Variants in GRM8 observed in about 807,000 individuals in gnomAD.
GRM8 encodes metabotropic glutamate receptor 8.
In GRM8, 47 loss-of-function variants were observed where a neutral mutation model predicts 87.2. The observed-to-expected ratio is 0.54, with a 90% CI of 0.43 to 0.69. GRM8 has a LOEUF of 0.69. GRM8 is among the 30% of genes least tolerant of loss of function. GRM8 has a pLI of 0.00. For synonymous variants in GRM8, 396 were observed against 404.5 expected (o/e 0.98, Z 0.25); for missense variants, 1,019 against 1,139.2 (o/e 0.89, Z 1.52).
intron 2 of GRM8, among the ~76,000 whole-genome samples, chr7:127,223,476 CACACACACACAA>C (rs1797095745): frequency 8.4e-6 from 1 of 118,744 alleles, no homozygotes; most frequent in Non-Finnish European, 1.8e-5. Context: ...CACACACACA[CACACACACACAA>C]AACTGTGGAC....
intron 3 of GRM8, among the ~76,000 whole-genome samples, chr7:126,913,930 A>G (rs756555741): frequency 2.0e-5 from 3 of 152,230 alleles, no homozygotes; most frequent in Non-Finnish European, 4.4e-5. Context: ...GCAAAACTGC[A>G]CTTATATTTA....
intron 7 of GRM8, among the ~76,000 whole-genome samples, chr7:126,622,443 G>T (rs1400677763): frequency 2.0e-5 from 3 of 151,790 alleles, no homozygotes; most frequent in Admixed American, 1.3e-4. Context: ...TGCTTCATAC[G>T]TTTCCACTGA....
intron 7 of GRM8, among the ~76,000 whole-genome samples, chr7:126,696,405 C>A (rs1809378541): frequency 6.6e-6 from 1 of 152,004 alleles, no homozygotes. Flanking sequence ...CTGACAGGCC[C>A]CAGTGTGTGT....
chr7:126,841,034 C>T (rs1796224064), intron 6 of GRM8, among the ~76,000 whole-genome samples: 1 of 152,190 alleles, frequency 6.6e-6, no homozygotes, highest in African/African-American at 2.4e-5. Context: ...TGGCAGTATG[C>T]CAGCTTTAAA....
chr7:126,581,200 A>C (rs1437100807), intron 8 of GRM8, among the ~76,000 whole-genome samples: 1 of 152,160 alleles, frequency 6.6e-6, no homozygotes, highest in Non-Finnish European at 1.5e-5. Flanking sequence ...GAAAGAGACC[A>C]TCTCCTAATG....
At chr7:126,898,024 A>G (rs961634436) in intron 6 of GRM8, among the ~76,000 whole-genome samples, 7 of 152,092 alleles carry the variant, frequency 4.6e-5, no homozygotes, top group African/African-American at 9.7e-5. Context: ...TTTGCCCCCA[A>G]TGGAAGCAAA....
Position 126,538,933 on chromosome 7 carries a change from C to CTA in GRM8, c.1495-5048_1495-5047dup, listed in dbSNP as rs559514371. Among the ~76,000 whole-genome samples the CTA allele has an allele frequency of 2.4e-4, 37 of 151,982 alleles. No homozygotes were observed. In the South Asian group the frequency reaches 3.5e-3, roughly 14 times the overall value. On this transcript the variant is annotated intron_variant, in intron 8 of 10. Coordinates refer to ENST00000339582, the MANE Select transcript of GRM8 (RefSeq NM_000845.3). The stretch of plus-strand genomic sequence containing the variant: ...AATTATATGCATTATATGTGTCTCT[C>CTA]TATATATATATTTCTTAATATTCTG...
chr7:127,174,541 CG>C (rs1793987245), intron 2 of GRM8, among the ~76,000 whole-genome samples: 1 of 152,134 alleles, frequency 6.6e-6, no homozygotes, highest in Non-Finnish European at 1.5e-5. Context: ...TCTACCTATG[CG>C]TTTTTTCAAT....
At chr7:126,652,048 C>T (rs563100092) in intron 7 of GRM8, among the ~76,000 whole-genome samples, 52 of 152,298 alleles carry the variant, frequency 3.4e-4, no homozygotes, top group African/African-American at 9.4e-4. Flanking sequence ...GTTGCAGAAA[C>T]GAGGACTGTA....
intron 7 of GRM8, among the ~76,000 whole-genome samples, chr7:126,645,545 TC>T (rs1802933694): frequency 6.6e-6 from 1 of 152,202 alleles, no homozygotes; most frequent in African/African-American, 2.4e-5. Context: ...GAGTGATAGC[TC>T]CAGTTCTCCC....
intron 7 of GRM8, among the ~76,000 whole-genome samples, chr7:126,662,271 C>T (rs1805260134): frequency 6.6e-6 from 1 of 152,020 alleles, no homozygotes; most frequent in African/African-American, 2.4e-5. Context: ...AGTCTGGCCA[C>T]CAAGTAGATT....
intron 7 of GRM8, among the ~76,000 whole-genome samples, chr7:126,656,123 A>G (rs929239077): frequency 6.6e-6 from 1 of 152,060 alleles, no homozygotes; most frequent in Non-Finnish European, 1.5e-5. Flanking sequence ...CAAATTATAG[A>G]CTAGAAATAA....
intron 3 of GRM8, among the ~76,000 whole-genome samples, chr7:127,019,221 G>A (rs367798609): frequency 2.6e-5 from 4 of 151,948 alleles, no homozygotes; most frequent in East Asian, 1.9e-4. Context: ...AATTATAAAC[G>A]TTATCTCTTG....
At chr7:126,590,558 T>C (rs922248626) in intron 8 of GRM8, among the ~76,000 whole-genome samples, 1 of 152,118 alleles carries the variant, frequency 6.6e-6, no homozygotes, top group African/African-American at 2.4e-5. Context: ...GATTATCACC[T>C]ATACACATTG....
chr7:126,864,248 C>G (rs531863824), intron 6 of GRM8, among the ~76,000 whole-genome samples: 1 of 152,144 alleles, frequency 6.6e-6, no homozygotes, highest in African/African-American at 2.4e-5. Flanking sequence ...TCTAAGTGGG[C>G]CTGGTTGTTC....
chr7:127,141,134 G>A (rs1279918697), intron 2 of GRM8, among the ~76,000 whole-genome samples: 1 of 151,944 alleles, frequency 6.6e-6, no homozygotes, highest in East Asian at 1.9e-4. Context: ...GCACCTATAT[G>A]GTGCCAATGG....
At chr7:127,057,590 T>A (rs142671048) in intron 3 of GRM8, among the ~76,000 whole-genome samples, 2 of 152,208 alleles carry the variant, frequency 1.3e-5, no homozygotes, top group Non-Finnish European at 2.9e-5. Flanking sequence ...TTTCTCCTTT[T>A]TAACATATCT....
intron 6 of GRM8, among the ~76,000 whole-genome samples, chr7:126,839,845 T>C (rs1796114951): frequency 6.6e-6 from 1 of 152,140 alleles, no homozygotes; most frequent in Admixed American, 6.5e-5. Context: ...CTTAATTGAA[T>C]TATTCACAAG....
intron 6 of GRM8, among the ~76,000 whole-genome samples, chr7:126,825,055 C>A (rs1309107072): frequency 1.3e-5 from 2 of 152,084 alleles, no homozygotes; most frequent in African/African-American, 4.8e-5. Context: ...AAGTGAGTAT[C>A]CAAACATGTA....
Sources: gnomAD v4.1 joint callset for allele counts (sites outside exome capture counted in the v4.1 genomes callset) on GRCh38, gnomAD v4.1.1 for gene constraint, MANE v1.5 for transcripts, NCBI Gene and HGNC (gene_info 2026-07-23, HGNC 2026-07-21) for gene names.